Variants in ZMYM2 observed in about 807,000 individuals in gnomAD.
ZMYM2 encodes zinc finger MYM-type containing 2, also known as zinc finger MYM-type protein 2.
A neutral mutation model predicts 162.8 loss-of-function variants in ZMYM2; 56 were observed. That is an observed-to-expected ratio of 0.34 (90% confidence interval 0.28 to 0.43). The LOEUF (loss-of-function observed/expected upper bound fraction) is 0.43. Ranked by LOEUF, ZMYM2 falls within the 20% of genes least tolerant of loss-of-function variation. ZMYM2 has a pLI of 1.00. For synonymous variants in ZMYM2, 510 were observed against 541.6 expected (o/e 0.94, Z 0.81); for missense variants, 1,275 against 1,621.8 (o/e 0.79, Z 3.67).
chr13:19,945,801 T>G, the ZMYM2 span, among the ~76,000 whole-genome samples: 1 of 151,776 alleles, frequency 6.6e-6, no homozygotes, highest in South Asian at 2.1e-4. Flanking sequence ...ACAAAAAAAT[T>G]AGCCGTGCAT....
chr13:19,966,135 T>A (rs1955752875), intron 2 of ZMYM2, among the ~76,000 whole-genome samples: 1 of 150,214 alleles, frequency 6.7e-6, no homozygotes, highest in African/African-American at 2.5e-5. Context: ...TGTTTTTGTT[T>A]TGTTTTGTTT....
intron 12 of ZMYM2, among the ~76,000 whole-genome samples, chr13:20,043,171 G>A (rs138390854): frequency 5.7e-4 from 87 of 152,296 alleles, no homozygotes; most frequent in South Asian, 1.2e-3. Flanking sequence ...TAACTCCGGG[G>A]TACTTATATC....
chr13:19,953,830 C>T (rs893488322), upstream of ZMYM2, among the ~76,000 whole-genome samples: 4 of 151,854 alleles, frequency 2.6e-5, no homozygotes, highest in Non-Finnish European at 5.9e-5. Flanking sequence ...TTTCAAACCA[C>T]AGTTTGTAAA....
intron 6 of ZMYM2, among the ~76,000 whole-genome samples, chr13:20,015,415 A>G (rs2140111934): frequency 6.6e-6 from 1 of 152,316 alleles, no homozygotes; most frequent in East Asian, 1.9e-4. Flanking sequence ...TTTGAGAAGA[A>G]TGTTTATTCT....
Position 20,087,771 on chromosome 13 carries a change from C to A in ZMYM2, c.*1757C>A, listed in dbSNP as rs140854224. The stretch of plus-strand genomic sequence containing the variant: ...TCAGACTGATAGTAGCAAATCTGAT[C>A]ATACATTACTAAAATAGATTGCTGA... On this transcript the variant is annotated 3_prime_UTR_variant, in exon 25 of 25. Coordinates refer to ENST00000610343, the MANE Select transcript of ZMYM2 (RefSeq NM_197968.4). The A allele has an allele frequency of 1.2e-3, 223 of 186,712 alleles. 1 individual carries two copies. The Middle Eastern group carries it at 0.012, about 10-fold the overall frequency. 11.6% of individuals were successfully genotyped at this position (186,712 alleles called of 1,614,324 possible).
the ZMYM2 span, among the ~76,000 whole-genome samples, chr13:19,896,723 C>T: frequency 7.4e-6 from 1 of 135,918 alleles, no homozygotes; most frequent in African/African-American, 3.0e-5. Flanking sequence ...TGCCACTGCA[C>T]TCCAGCCTGA....
At chr13:20,047,670 A>G (rs944402197) in intron 12 of ZMYM2, among the ~76,000 whole-genome samples, 2 of 152,084 alleles carry the variant, frequency 1.3e-5, no homozygotes, top group African/African-American at 4.8e-5. Context: ...ATTTAAATTT[A>G]GTTTTATGCT....
At chr13:19,979,980 T>A (rs1294146891) in intron 2 of ZMYM2, among the ~76,000 whole-genome samples, 1 of 152,208 alleles carries the variant, frequency 6.6e-6, no homozygotes, top group Non-Finnish European at 1.5e-5. Flanking sequence ...TTCATCTGTA[T>A]TTTTTCTTTT....
the ZMYM2 span, among the ~76,000 whole-genome samples, chr13:19,924,212 ACTTTCT>A: frequency 6.6e-6 from 1 of 152,002 alleles, no homozygotes; most frequent in African/African-American, 2.4e-5. Flanking sequence ...TCACCACTCC[ACTTTCT>A]CTTTCTATGA....
the ZMYM2 span, among the ~76,000 whole-genome samples, chr13:19,868,642 G>C: frequency 2.6e-5 from 4 of 152,084 alleles, no homozygotes; most frequent in Admixed American, 2.0e-4. Context: ...ATTATAACAT[G>C]AATTCATACT....
intron 2 of ZMYM2, among the ~76,000 whole-genome samples, chr13:19,971,260 ATATTTT>A (rs1184890586): frequency 9.7e-5 from 10 of 103,074 alleles, no homozygotes; most frequent in East Asian, 1.0e-3. Flanking sequence ...ATATATATAT[ATATTTT>A]TTTTTTTTTT....
intron 12 of ZMYM2, among the ~76,000 whole-genome samples, chr13:20,045,787 A>C (rs190268033): frequency 2.5e-4 from 38 of 152,260 alleles, no homozygotes; most frequent in Admixed American, 9.1e-4. Flanking sequence ...CTGTTGTTTT[A>C]CTGTACAAAT....
At chr13:19,987,049 G>C (rs188223177) in intron 2 of ZMYM2, among the ~76,000 whole-genome samples, 4 of 139,764 alleles carry the variant, frequency 2.9e-5, no homozygotes, top group Non-Finnish European at 4.6e-5. Flanking sequence ...AGGTTGCAGT[G>C]AGCTGTGATC....
chr13:20,034,544 C>T (rs962889078), intron 11 of ZMYM2, 140 bp downstream of exon 11: 4 of 751,944 alleles, frequency 5.3e-6, no homozygotes, highest in East Asian at 3.1e-5. Context: ...TGACTTGTTT[C>T]GTTATTTTAT....
At chr13:20,035,384 A>G (rs1157152634) in intron 11 of ZMYM2, among the ~76,000 whole-genome samples, 1 of 152,194 alleles carries the variant, frequency 6.6e-6, no homozygotes, top group African/African-American at 2.4e-5. Context: ...TTAATTTTGT[A>G]CATTTCACCT....
chr13:19,978,439 G>A (rs1178029653), intron 2 of ZMYM2, among the ~76,000 whole-genome samples: 3 of 150,838 alleles, frequency 2.0e-5, no homozygotes, highest in South Asian at 2.1e-4. Context: ...TTTTTGAGAC[G>A]AAGTTTTGCT....
the ZMYM2 span, among the ~76,000 whole-genome samples, chr13:19,915,511 T>G: frequency 2.8e-4 from 43 of 152,174 alleles, no homozygotes; most frequent in Non-Finnish European, 5.9e-4. Flanking sequence ...TACTTTCTTT[T>G]TTCTTTTTTT....
chr13:20,032,864 C>T (rs574156135), intron 10 of ZMYM2, among the ~76,000 whole-genome samples: 2 of 152,242 alleles, frequency 1.3e-5, no homozygotes, highest in South Asian at 4.1e-4. Flanking sequence ...CCGCCTCAGC[C>T]TCCCAAAGTG....
At chr13:19,897,872 G>A in the ZMYM2 span, among the ~76,000 whole-genome samples, 5 of 152,134 alleles carry the variant, frequency 3.3e-5, no homozygotes, top group South Asian at 8.3e-4. Flanking sequence ...CAGAATTGAG[G>A]TGAGAAAAAG....
Sources: gnomAD v4.1 joint callset for allele counts (sites outside exome capture counted in the v4.1 genomes callset) on GRCh38, gnomAD v4.1.1 for gene constraint, MANE v1.5 for transcripts, NCBI Gene and HGNC (gene_info 2026-07-23, HGNC 2026-07-21) for gene names.